NFATC3: variants seen among roughly 807,000 people sequenced by gnomAD.
The protein encoded by NFATC3 is nuclear factor of activated T-cells, cytoplasmic 3.
In NFATC3, 46 loss-of-function variants were observed where a neutral mutation model predicts 98.6. The observed-to-expected ratio is 0.47, with a 90% CI of 0.37 to 0.60. The LOEUF is 0.60. Among genes scored for constraint, NFATC3 ranks in the 20% least tolerant of loss-of-function variants. NFATC3 has a pLI of 0.00. For synonymous variants in NFATC3, 512 were observed against 472.2 expected, an observed-to-expected ratio of 1.08 and a Z score of -1.09; for missense variants, 1,256 against 1,295.5, an observed-to-expected ratio of 0.97 and a Z score of 0.47.
intron 3 of NFATC3, among the ~76,000 whole-genome samples, chr16:68,128,321 T>G (rs1164797885): frequency 6.6e-6 from 1 of 152,178 alleles, no homozygotes; most frequent in Non-Finnish European, 1.5e-5. Context: ...AGATGGGTTT[T>G]TTTAATGATT....
At position 68,226,897 on chromosome 16, in the gene NFATC3, C is replaced by CAAAAAAAAAAAAAAAAAAAAAAGAA. The variant is rs2042047013; in HGVS notation, c.*448_*449insGAAAAAAAAAAAAAAAAAAAAAAAA. The CAAAAAAAAAAAAAAAAAAAAAAGAA allele has an allele frequency of 9.9e-5, 3 of 30,332 alleles. No individual in the cohort carries two copies. Among genetic ancestry groups the CAAAAAAAAAAAAAAAAAAAAAAGAA allele is most frequent in the Admixed American group, 5.1e-4 (1 of 1,950 alleles). 1.9% of individuals were successfully genotyped at this position (30,332 alleles called of 1,614,324 possible). A position where few individuals can be genotyped will look rare whatever the true frequency, so the allele number is the denominator to read the frequency against. On this transcript the variant is annotated 3_prime_UTR_variant, in exon 10 of 10. Transcript: ENST00000346183. ...AACTTTTGATAAGACCTTCTAGAAGCAAAAAAAAAAAAAAAAAAAAAAAAA... is the reference window on the plus strand; with the variant it reads ...AACTTTTGATAAGACCTTCTAGAAGCAAAAAAAAAAAAAAAAAAAAAAGAAAAAAAAAAAAAAAAAAAAAAAAAAA...
At position 68,217,990 on chromosome 16, in the gene NFATC3, T is replaced by C. The variant is rs936546589; in HGVS notation, c.3107-8360T>C. 9.2e-6 allele frequency: 11 copies of C among 1,189,722 alleles called. No individual in the cohort carries two copies. The African/African-American group carries it at 1.7e-4, about 19-fold the overall frequency. The allele number at this position is 1,189,722 out of a possible 1,614,324, so 73.7% of individuals were successfully genotyped here. ...TAATTAGCAGCCTACCATAGATACC[T>C]TCTAAATTTTCAGGAACTTATTTCT... On this transcript the variant is annotated intron_variant, in intron 9 of 9. Transcript: ENST00000346183.
chr16:68,122,626 G>T lies in NFATC3; in HGVS notation c.743G>T (p.Ser248Ile), dbSNP rs779933179. ...TCTCCTTGCCACTCTCCTAGATCCA[G>T]TGTCACTGATGAGAATTGGCTGAGC... The part of the protein sequence containing the change: ...RQSPCHSPRS[S>I]VTDENWLSPR... Residue 248 changes from serine (S) to isoleucine (I), a missense_variant, in exon 2 of 10, where the codon AGT (serine) becomes ATT (isoleucine). Ser to Ile is a moderately radical substitution (Grantham distance 142). Transcript: ENST00000346183. The T allele has an allele frequency of 2.5e-6, 4 of 1,614,132 alleles. No individual in the cohort carries two copies. The highest frequency in any genetic ancestry group is 1.1e-5 in the South Asian group (1 of 91,074).
At chr16:68,167,747 A>G (rs1292176037) in intron 5 of NFATC3, among the ~76,000 whole-genome samples, 1 of 149,990 alleles carries the variant, frequency 6.7e-6, no homozygotes, top group Non-Finnish European at 1.5e-5. Context: ...TGCTGCCTAG[A>G]AAACAGGTTT....
In NFATC3 at chr16:68,226,977, C is replaced by A. The variant is rs1244994881; in HGVS notation, c.*506C>A. 1 of 149,432 alleles carries A rather than the reference C, an allele frequency of 6.7e-6. No individual in the cohort carries two copies. The highest frequency in any genetic ancestry group is 1.5e-5 in the Non-Finnish European group (1 of 67,502). The allele number at this position is 149,432 out of a possible 1,614,324, so 9.3% of individuals were successfully genotyped here. A position where few individuals can be genotyped will look rare whatever the true frequency, so the allele number is the denominator to read the frequency against. Reference sequence around the variant, plus strand: ...AGAAAAAAATATCCCAAGCCCACACCTATGCCTCAGAAAGTCAGCATGTGT... The same window carrying A: ...AGAAAAAAATATCCCAAGCCCACACATATGCCTCAGAAAGTCAGCATGTGT... On this transcript the variant is annotated 3_prime_UTR_variant, in exon 10 of 10. Coordinates refer to ENST00000346183, the MANE Select transcript of NFATC3 (RefSeq NM_173165.3).
intron 4 of NFATC3, among the ~76,000 whole-genome samples, chr16:68,163,840 G>T (rs2039040265): frequency 6.6e-6 from 1 of 151,452 alleles, no homozygotes; most frequent in African/African-American, 2.4e-5. Context: ...TTCCTAGATG[G>T]GATGGCGGCC....
chr16:68,191,646 A>G lies in NFATC3; in HGVS notation c.2977A>G (p.Ile993Val). Reference protein sequence around the residue: ...QGGLSAPSSLICHSLCDPASF... With the variant: ...QGGLSAPSSLVCHSLCDPASF... ...GGGTCTTTCTGCACCTTCATCCTTAATATGTCACAGTTTGTGTGATCCAGC... is the reference window on the plus strand; with the variant it reads ...GGGTCTTTCTGCACCTTCATCCTTAGTATGTCACAGTTTGTGTGATCCAGC... The change falls in exon 9 of 10, where the codon ATA becomes GTA. Residue 993 changes from isoleucine (I) to valine (V), a missense_variant. Around this residue, in one of 3 missense-constraint regions of NFATC3, gnomAD observed 636 missense variants for 617.3 expected, o/e 1.03. Coordinates refer to ENST00000346183, the MANE Select transcript of NFATC3 (RefSeq NM_173165.3). 6 of 1,614,082 alleles carry G rather than the reference A, an allele frequency of 3.7e-6. No homozygotes were observed. Among genetic ancestry groups the G allele is most frequent in the Non-Finnish European group, 5.1e-6 (6 of 1,180,020 alleles).
At chr16:68,174,618 C>A in intron 6 of NFATC3, 104 bp downstream of exon 6, 1 of 888,512 alleles carries the variant, frequency 1.1e-6, no homozygotes, top group Middle Eastern at 2.9e-4. Flanking sequence ...TTTCATAAAG[C>A]TATGGGTGTC....
intron 9 of NFATC3, chr16:68,192,339 A>AGG (rs2040480249): frequency 6.9e-6 from 1 of 144,702 alleles, no homozygotes. Flanking sequence ...ATATAGAGAG[A>AGG]GAGAGAGAGA....
chr16:68,085,427 A>C lies in NFATC3; in HGVS notation c.-255A>C. On this transcript the variant is annotated 5_prime_UTR_variant, in exon 1 of 10. Coordinates refer to ENST00000346183, the MANE Select transcript of NFATC3 (RefSeq NM_173165.3). ...CGGCGACTGTGGGGGGGCGGCGGGGAACATTGGCTAAGCCGACAGTGGAGG... is the reference window on the plus strand; with the variant it reads ...CGGCGACTGTGGGGGGGCGGCGGGGCACATTGGCTAAGCCGACAGTGGAGG... 3.3e-6 allele frequency: 1 copy of C among 300,828 alleles called. No individual in the cohort carries two copies. The highest frequency in any genetic ancestry group is 6.1e-6 in the Non-Finnish European group (1 of 163,116). 18.6% of individuals were successfully genotyped at this position (300,828 alleles called of 1,614,324 possible).
At chr16:68,187,159 G>A (rs1306356918) in intron 8 of NFATC3, among the ~76,000 whole-genome samples, 3 of 152,220 alleles carry the variant, frequency 2.0e-5, no homozygotes, top group Admixed American at 1.3e-4. Context: ...ACCAGCATGG[G>A]TGGTGGCGCC....
At chr16:68,187,062 GA>G (rs1165768977) in intron 8 of NFATC3, among the ~76,000 whole-genome samples, 2 of 152,234 alleles carry the variant, frequency 1.3e-5, no homozygotes, top group Admixed American at 6.5e-5. Flanking sequence ...AGCAGAGTGG[GA>G]AGGGGTGTGT....
rs1255866178 is a variant in NFATC3, at chr16:68,211,667, C to T, written c.3107-14683C>T. Among the ~76,000 whole-genome samples, 7 of 151,254 alleles carry T rather than the reference C, an allele frequency of 4.6e-5. No individual in the cohort carries two copies. In the East Asian group the frequency reaches 1.4e-3, roughly 29 times the overall value. ...CTTCCTGAGTAGCTGGGATTACAGG[C>T]ATCTACCACACGCCCAGCTAATTTT... On this transcript the variant is annotated intron_variant, in intron 9 of 9. Coordinates refer to ENST00000346183, the MANE Select transcript of NFATC3 (RefSeq NM_173165.3).
rs768278782 is a variant in NFATC3, at chr16:68,183,101, G to T, written c.1972-139G>T. ...GAAGTATCCCTTTAGTAAATCTCCA[G>T]ATGATGTATATGACTAGCTGATGTG... On this transcript the variant is annotated intron_variant, in intron 7 of 9. Coordinates refer to ENST00000346183, the MANE Select transcript of NFATC3 (RefSeq NM_173165.3). 1.1e-5 allele frequency: 9 copies of T among 789,044 alleles called. No individual in the cohort carries two copies. In the East Asian group the frequency reaches 2.6e-4, roughly 22 times the overall value. The allele number at this position is 789,044 out of a possible 1,614,324, so 48.9% of individuals were successfully genotyped here. A position where few individuals can be genotyped will look rare whatever the true frequency, so the allele number is the denominator to read the frequency against.
At chr16:68,211,878 A>T (rs1430237778) in intron 9 of NFATC3, among the ~76,000 whole-genome samples, 1 of 152,196 alleles carries the variant, frequency 6.6e-6, no homozygotes, top group African/African-American at 2.4e-5. Context: ...AATGAGGTAT[A>T]TTTTGGAGCT....
At chr16:68,195,561 C>T (rs1402836309) in intron 9 of NFATC3, among the ~76,000 whole-genome samples, 1 of 152,100 alleles carries the variant, frequency 6.6e-6, no homozygotes, top group Non-Finnish European at 1.5e-5. Context: ...GTAATCCCAG[C>T]ACTTTGGGAG....
At chr16:68,220,526 CTT>C (rs906961998) in intron 9 of NFATC3, among the ~76,000 whole-genome samples, 1 of 150,858 alleles carries the variant, frequency 6.6e-6, no homozygotes, top group African/African-American at 2.4e-5. Context: ...TCCTTATACT[CTT>C]ATCTTAAATT....
chr16:68,169,702 A>G (rs1447866693), intron 5 of NFATC3, among the ~76,000 whole-genome samples: 2 of 151,988 alleles, frequency 1.3e-5, no homozygotes, highest in African/African-American at 2.4e-5. Context: ...GCACTTTGGG[A>G]GGCCAAGGCA....
At chr16:68,140,070 C>T (rs1266698889) in intron 3 of NFATC3, among the ~76,000 whole-genome samples, 1 of 152,148 alleles carries the variant, frequency 6.6e-6, no homozygotes, top group Non-Finnish European at 1.5e-5. Context: ...AATCTTGGCT[C>T]ACTGCAACCT....
Sources: gnomAD v4.1 joint callset for allele counts (sites outside exome capture counted in the v4.1 genomes callset) on GRCh38, gnomAD v4.1.1 for gene constraint, gnomAD v4.1.1 regional missense constraint, MANE v1.5 for transcripts, NCBI Gene and HGNC (gene_info 2026-07-23, HGNC 2026-07-21) for gene names.